Variants in F13A1 observed in about 807,000 individuals in gnomAD.
The protein encoded by F13A1 is coagulation factor XIII A chain, also known as FSF, A subunit.
A neutral mutation model predicts 80.1 loss-of-function variants in F13A1; 47 were observed. That is an observed-to-expected ratio of 0.59 (90% CI 0.46 to 0.75). The LOEUF (loss-of-function observed/expected upper bound fraction) is 0.75, where lower values mean the gene tolerates loss of function less well. Among genes scored for constraint, F13A1 ranks in the 30% least tolerant of loss-of-function variants. The probability of loss-of-function intolerance (pLI) is 0.00; values close to 1 mark genes in which losing one functional copy is unlikely to be tolerated. For synonymous variants in F13A1, 349 were observed against 344.9 expected, an observed-to-expected ratio of 1.01 and a Z score of -0.13; for missense variants, 817 against 930.4, an observed-to-expected ratio of 0.88 and a Z score of 1.59.
At chr6:6,249,011 A>G (rs1476381698) in intron 5 of F13A1, among the ~76,000 whole-genome samples, 1 of 152,234 alleles carries the variant, frequency 6.6e-6, no homozygotes, top group African/African-American at 2.4e-5. Flanking sequence ...AGATTACACT[A>G]TCAAGGGAGG....
At chr6:6,242,023 T>C (rs1306340719) in intron 6 of F13A1, among the ~76,000 whole-genome samples, 1 of 152,200 alleles carries the variant, frequency 6.6e-6, no homozygotes, top group South Asian at 2.1e-4. Context: ...AAAGTAGTTA[T>C]GTCATTACTG....
chr6:6,227,364 A>G (rs1443444586), intron 6 of F13A1, among the ~76,000 whole-genome samples: 2 of 152,246 alleles, frequency 1.3e-5, no homozygotes, highest in African/African-American at 2.4e-5. Context: ...GGAAAAAATG[A>G]ACTCTTTGGG....
At chr6:6,285,244 A>G (rs1758121109) in intron 3 of F13A1, among the ~76,000 whole-genome samples, 1 of 152,200 alleles carries the variant, frequency 6.6e-6, no homozygotes, top group Non-Finnish European at 1.5e-5. Context: ...GCGAGACTCC[A>G]ACTCAAAAAG....
At chr6:6,311,221 A>G (rs1758586152) in intron 2 of F13A1, among the ~76,000 whole-genome samples, 1 of 152,138 alleles carries the variant, frequency 6.6e-6, no homozygotes, top group South Asian at 2.1e-4. Flanking sequence ...AACACCTTTT[A>G]CGTGAAAATT....
intron 8 of F13A1, among the ~76,000 whole-genome samples, chr6:6,208,486 T>G (rs1017802178): frequency 6.6e-6 from 1 of 152,090 alleles, no homozygotes; most frequent in African/African-American, 2.4e-5. Context: ...GAAAGAATAT[T>G]TGAAGAAACG....
chr6:6,283,934 A>G (rs574967500), intron 3 of F13A1, among the ~76,000 whole-genome samples: 1 of 152,360 alleles, frequency 6.6e-6, no homozygotes. Flanking sequence ...CCATTGCATA[A>G]CAATGCAAAT....
intron 6 of F13A1, among the ~76,000 whole-genome samples, chr6:6,228,428 T>C (rs1757306181): frequency 6.6e-6 from 1 of 152,090 alleles, no homozygotes; most frequent in Non-Finnish European, 1.5e-5. Context: ...TTTTAAATTC[T>C]AGAAAGTAAT....
chr6:6,316,599 C>T (rs1431530468), intron 2 of F13A1, among the ~76,000 whole-genome samples: 2 of 152,144 alleles, frequency 1.3e-5, no homozygotes, highest in Non-Finnish European at 2.9e-5. Context: ...GTCTTACTAG[C>T]AGCATTTTGT....
At chr6:6,163,440 A>T (rs1583049816) in intron 13 of F13A1, among the ~76,000 whole-genome samples, 1 of 152,006 alleles carries the variant, frequency 6.6e-6, no homozygotes, top group Admixed American at 6.6e-5. Flanking sequence ...AAGATATTAA[A>T]CCTAGTAGCC....
At chr6:6,311,934 G>C (rs2755417) in intron 2 of F13A1, among the ~76,000 whole-genome samples, 107,310 of 146,468 alleles carry the variant, frequency 0.73, 39,662 homozygotes, top group East Asian at 0.86. Context: ...ATAATATATA[G>C]TTTTTATATA....
chr6:6,252,148 A>G (rs1055267666), intron 4 of F13A1, among the ~76,000 whole-genome samples: 3 of 152,238 alleles, frequency 2.0e-5, no homozygotes, highest in South Asian at 2.1e-4. Context: ...TACATAAAAA[A>G]TGACTCAGTT....
chr6:6,205,659 GCTTT>G (rs997433615), intron 8 of F13A1, among the ~76,000 whole-genome samples: 2 of 152,012 alleles, frequency 1.3e-5, no homozygotes, highest in African/African-American at 2.4e-5. Flanking sequence ...TGATTATCCA[GCTTT>G]CTTTTTTTCT....
intron 8 of F13A1, among the ~76,000 whole-genome samples, chr6:6,218,471 C>T (rs1757136106): frequency 6.6e-6 from 1 of 152,314 alleles, no homozygotes; most frequent in East Asian, 1.9e-4. Context: ...CATCAGCACG[C>T]TGGGGACAGG....
At chr6:6,244,716 A>G (rs1757531434) in intron 6 of F13A1, among the ~76,000 whole-genome samples, 1 of 152,226 alleles carries the variant, frequency 6.6e-6, no homozygotes, top group Non-Finnish European at 1.5e-5. Flanking sequence ...TTGAGTACAG[A>G]GACAAAATTT....
At position 6,318,614 on chromosome 6, in the gene F13A1, G is replaced by A. The variant is rs972426755; in HGVS notation, c.51C>T (p.Pro17=). The part of the protein sequence containing the change: ...TAFGGRRAVP[P]NNSNAAEDDL... ...CATCTTCCGCTGCATTAGAGTTATT[G>A]GGTGGAACTGCTCTTCTGCCTCCAA... is the stretch of plus-strand genomic sequence containing the variant. Residue 17 remains proline, a synonymous_variant, in exon 2 of 15, where the codon CCC becomes CCT. Coordinates refer to ENST00000264870, the MANE Select transcript of F13A1 (RefSeq NM_000129.4). 1 of 1,613,860 alleles carries A rather than the reference G, an allele frequency of 6.2e-7. No individual in the cohort carries two copies. The highest frequency in any genetic ancestry group is 1.7e-5 in the Admixed American group (1 of 60,006).
Position 6,273,156 on chromosome 6 carries a change from G to A in F13A1, c.320-6347C>T, listed in dbSNP as rs185389409. On this transcript the variant is annotated intron_variant, in intron 3 of 14. Coordinates refer to ENST00000264870, the MANE Select transcript of F13A1 (RefSeq NM_000129.4). ...ACCCCTTTTCCTATAACAATTATTT[G>A]CCAGAAAAGCCCAAACAAACATTTT... Among the ~76,000 whole-genome samples, 80 of 152,194 alleles carry A rather than the reference G, an allele frequency of 5.3e-4. 1 individual carries two copies. The highest frequency in any genetic ancestry group is 1.7e-3 in the African/African-American group (72 of 41,524).
In F13A1 at chr6:6,167,557, C is replaced by T. The variant is rs764095434; in HGVS notation, c.1809G>A (p.Ala603=). The T allele has an allele frequency of 1.8e-5, 29 of 1,613,916 alleles. No homozygotes were observed. The highest frequency in any genetic ancestry group is 8.3e-5 in the Admixed American group (5 of 59,990). ...GAGCTGTGACAAAGAAGTGCAGGGA[C>T]GCTTGTTCCAGCAGCTGACCCATGT... The part of the protein sequence containing the change: ...GEYMGQLLEQ[A]SLHFFVTARI... Residue 603 remains alanine (A), a synonymous_variant, in exon 13 of 15, where the codon GCG becomes GCA. Coordinates refer to ENST00000264870, the MANE Select transcript of F13A1 (RefSeq NM_000129.4).
Position 6,195,719 on chromosome 6 carries a change from C to T in F13A1, c.1305+78G>A, listed in dbSNP as rs1761277513. 2.9e-6 allele frequency: 4 copies of T among 1,372,754 alleles called. No individual in the cohort carries two copies. The African/African-American group carries it at 5.7e-5, about 20-fold the overall frequency. The allele number at this position is 1,372,754 out of a possible 1,614,324, so 85.0% of individuals were successfully genotyped here. A position where few individuals can be genotyped will look rare whatever the true frequency, so the allele number is the denominator to read the frequency against. On this transcript the variant is annotated intron_variant, in intron 10 of 14. Coordinates refer to ENST00000264870, the MANE Select transcript of F13A1 (RefSeq NM_000129.4). Reference sequence around the variant, plus strand: ...GCTATGTACCTGGAAAACTTAGAAACAACAACTTTTAGCTTACTCTTTCAT... The same window carrying T: ...GCTATGTACCTGGAAAACTTAGAAATAACAACTTTTAGCTTACTCTTTCAT...
chr6:6,300,651 C>G (rs1354430468), intron 3 of F13A1, among the ~76,000 whole-genome samples: 1 of 152,148 alleles, frequency 6.6e-6, no homozygotes, highest in Non-Finnish European at 1.5e-5. Flanking sequence ...GCGGCACTCC[C>G]TAGTGAGATG....
Sources: gnomAD v4.1 joint callset for allele counts (sites outside exome capture counted in the v4.1 genomes callset) on GRCh38, gnomAD v4.1.1 for gene constraint, MANE v1.5 for transcripts, NCBI Gene and HGNC (gene_info 2026-07-23, HGNC 2026-07-21) for gene names.